The following PKHD1 variants were observed in gnomAD, a reference collection of about 807,000 sequenced individuals.
The protein encoded by PKHD1 is PKHD1 ciliary IPT domain containing fibrocystin/polyductin.
PKHD1 carries 291 observed loss-of-function variants against 412.0 expected under a neutral mutation model. That is an observed-to-expected ratio of 0.71 (90% CI 0.64 to 0.78). The LOEUF is 0.78. PKHD1 is among the 30% of genes least tolerant of loss of function. The probability of loss-of-function intolerance (pLI) is 0.00; values close to 1 mark genes in which losing one functional copy is unlikely to be tolerated. For missense variants in PKHD1, 4,825 were observed against 4,950.7 expected (o/e 0.97, Z 0.76); for synonymous variants, 1,777 against 1,821.5 (o/e 0.98, Z 0.62).
At chr6:52,009,637 T>C (rs1284693114) in intron 35 of PKHD1, among the ~76,000 whole-genome samples, 1 of 152,140 alleles carries the variant, frequency 6.6e-6, no homozygotes. Context: ...ATCTGATCCA[T>C]TTCCAAAGAG....
chr6:51,927,278 A>G (rs1202983089), intron 37 of PKHD1, among the ~76,000 whole-genome samples: 1 of 152,044 alleles, frequency 6.6e-6, no homozygotes, highest in Non-Finnish European at 1.5e-5. Flanking sequence ...GTTGGGTGGG[A>G]CTTCTGCTCC....
Position 51,645,914 on chromosome 6 carries a change from G to A in PKHD1, c.11398+2117C>T, listed in dbSNP as rs572454683. On this transcript the variant is annotated intron_variant, in intron 63 of 66. Coordinates refer to ENST00000371117, the MANE Select transcript of PKHD1 (RefSeq NM_138694.4). ...TTTTTGAAAACTGTCTGACATAGAA[G>A]TTGTGGGGAAGGGAGTGAATGCTTT... is the stretch of plus-strand genomic sequence containing the variant. 1.2e-4 allele frequency among the ~76,000 whole-genome samples: 18 copies of A among 152,296 alleles called. No individual in the cohort carries two copies. The South Asian group carries it at 3.5e-3, about 30-fold the overall frequency.
chr6:51,755,855 C>T (rs1562241478), intron 55 of PKHD1, among the ~76,000 whole-genome samples: 1 of 152,030 alleles, frequency 6.6e-6, no homozygotes, highest in Non-Finnish European at 1.5e-5. Flanking sequence ...AGAGTAGATG[C>T]TAGAGACATA....
At chr6:51,713,669 G>T (rs1234685442) in intron 60 of PKHD1, among the ~76,000 whole-genome samples, 1 of 152,176 alleles carries the variant, frequency 6.6e-6, no homozygotes, top group Non-Finnish European at 1.5e-5. Context: ...TTACACTCAA[G>T]ATATGCAGCT....
chr6:51,703,488 A>G (rs1437022022), intron 60 of PKHD1, among the ~76,000 whole-genome samples: 1 of 152,008 alleles, frequency 6.6e-6, no homozygotes, highest in Non-Finnish European at 1.5e-5. Context: ...AGTCTCAAGC[A>G]CTAAAATGAG....
At chr6:51,738,920 GAC>G (rs146074613) in intron 60 of PKHD1, among the ~76,000 whole-genome samples, 9 of 150,420 alleles carry the variant, frequency 6.0e-5, no homozygotes, top group Middle Eastern at 3.5e-3. Context: ...CTGCACACAA[GAC>G]ACACACACAC....
intron 13 of PKHD1, among the ~76,000 whole-genome samples, chr6:52,063,358 AT>A (rs1315783200): frequency 6.6e-6 from 1 of 152,130 alleles, no homozygotes; most frequent in East Asian, 1.9e-4. Context: ...TTGCATCTTC[AT>A]TTTCTCATGC....
At position 52,028,247 on chromosome 6, in the gene PKHD1, C is replaced by T; in HGVS notation, c.3469G>A (p.Ala1157Thr). The T allele has an allele frequency of 6.2e-7, 1 of 1,614,152 alleles. No individual in the cohort carries two copies. The highest frequency in any genetic ancestry group is 8.5e-7 in the Non-Finnish European group (1 of 1,180,016). The change falls in exon 30 of 67, where the codon GCT becomes ACT. Residue 1157 changes from alanine (A) to threonine (T), a missense_variant. Transcript: ENST00000371117. ...GGCAGTGCCACCTCCAGGCCCCAAG[C>T]CGACTGTGTGTGAACCGGAGCCAAG... ...DALAPVHTQS[A>T]WGLEVALPPL...
At position 51,616,837 on chromosome 6, in the gene PKHD1, G is replaced by A; in HGVS notation, c.*2244C>T. The A allele has an allele frequency of 2.5e-6, 1 of 393,976 alleles. No individual in the cohort carries two copies. The highest frequency in any genetic ancestry group is 4.5e-6 in the Non-Finnish European group (1 of 223,240). The allele number at this position is 393,976 out of a possible 1,614,324, so 24.4% of individuals were successfully genotyped here. On this transcript the variant is annotated 3_prime_UTR_variant, in exon 67 of 67. Coordinates refer to ENST00000371117, the MANE Select transcript of PKHD1 (RefSeq NM_138694.4). The stretch of plus-strand genomic sequence containing the variant: ...TAAAAATTGGAAGAAGGGTAAAGAA[G>A]GGGCAGAAATAACAGAGCTGGCAGC...
intron 55 of PKHD1, among the ~76,000 whole-genome samples, chr6:51,771,523 A>G (rs4711980): frequency 0.76 from 115,084 of 151,644 alleles, 43,907 homozygotes; most frequent in East Asian, 0.97. Flanking sequence ...GGAGGCTGAG[A>G]CAGGAAAATC....
chr6:51,988,865 A>G (rs986700005), intron 35 of PKHD1, among the ~76,000 whole-genome samples: 8 of 152,166 alleles, frequency 5.3e-5, no homozygotes, highest in African/African-American at 1.9e-4. Context: ...TTACTCTTAT[A>G]CCTTTGACAG....
intron 35 of PKHD1, among the ~76,000 whole-genome samples, chr6:51,999,348 C>T (rs928428219): frequency 6.6e-6 from 1 of 152,180 alleles, no homozygotes; most frequent in Non-Finnish European, 1.5e-5. Flanking sequence ...CCCTGAGACA[C>T]AGGAGTTTTT....
chr6:51,847,535 A>C (rs761051744), intron 50 of PKHD1, among the ~76,000 whole-genome samples: 1 of 152,156 alleles, frequency 6.6e-6, no homozygotes, highest in Non-Finnish European at 1.5e-5. Context: ...CCCTATGGTC[A>C]TACTTCTCTA....
intron 60 of PKHD1, among the ~76,000 whole-genome samples, chr6:51,670,721 G>C (rs898456587): frequency 4.6e-5 from 7 of 151,894 alleles, no homozygotes; most frequent in Non-Finnish European, 1.5e-5. Flanking sequence ...CTTCCTTCAG[G>C]AGCTCTTTTA....
At chr6:52,053,372 G>T in intron 20 of PKHD1, 121 bp from the exon 21 acceptor site, 1 of 973,850 alleles carries the variant, frequency 1.0e-6, no homozygotes, top group Non-Finnish European at 1.6e-6. Flanking sequence ...GAGACCCCAT[G>T]AACCCCTGCA....
intron 60 of PKHD1, among the ~76,000 whole-genome samples, chr6:51,681,991 C>CA (rs1246757863): frequency 6.6e-6 from 1 of 152,086 alleles, no homozygotes; most frequent in Non-Finnish European, 1.5e-5. Flanking sequence ...GAGATGGAAG[C>CA]TGATCTTTCA....
chr6:52,005,168 C>T (rs963354594), intron 35 of PKHD1, among the ~76,000 whole-genome samples: 10 of 152,072 alleles, frequency 6.6e-5, no homozygotes, highest in Admixed American at 5.9e-4. Flanking sequence ...GAGTGTGTTG[C>T]CTCTCCATTC....
intron 43 of PKHD1, among the ~76,000 whole-genome samples, chr6:51,888,653 G>T (rs59724862): frequency 0.061 from 9,305 of 151,598 alleles, 619 homozygotes; most frequent in African/African-American, 0.16. Context: ...ACCCTTCCTG[G>T]TTCACTCATT....
chr6:51,778,815 C>T (rs1415537221), intron 53 of PKHD1, among the ~76,000 whole-genome samples: 1 of 152,158 alleles, frequency 6.6e-6, no homozygotes, highest in Non-Finnish European at 1.5e-5. Flanking sequence ...GTCAACATGA[C>T]TCACCAGACC....
Sources: gnomAD v4.1 joint callset for allele counts (sites outside exome capture counted in the v4.1 genomes callset) on GRCh38, gnomAD v4.1.1 for gene constraint, MANE v1.5 for transcripts, NCBI Gene and HGNC (gene_info 2026-07-23, HGNC 2026-07-21) for gene names.